THSD7A: variants seen among roughly 807,000 people sequenced by gnomAD.
THSD7A encodes thrombospondin type 1 domain containing 7A.
In THSD7A, 96 loss-of-function variants were observed where a neutral mutation model predicts 231.3. The observed-to-expected ratio is 0.41, with a 90% CI of 0.35 to 0.49. The LOEUF is 0.49. Among genes scored for constraint, THSD7A ranks in the 20% least tolerant of loss-of-function variants. The probability of loss-of-function intolerance (pLI) is 0.05; values close to 1 mark genes in which losing one functional copy is unlikely to be tolerated. For missense variants in THSD7A, 2,290 were observed against 2,070.2 expected (o/e 1.11, Z -2.06); for synonymous variants, 940 against 743.3 (o/e 1.26, Z -4.30).
At chr7:11,574,320 A>T (rs940695207) in intron 4 of THSD7A, among the ~76,000 whole-genome samples, 2 of 152,110 alleles carry the variant, frequency 1.3e-5, no homozygotes, top group Non-Finnish European at 2.9e-5. Context: ...TGTGCTGTTC[A>T]TTTCTCTATT....
intron 4 of THSD7A, among the ~76,000 whole-genome samples, chr7:11,584,473 T>C (rs886284622): frequency 6.6e-6 from 1 of 152,166 alleles, no homozygotes; most frequent in Admixed American, 6.6e-5. Context: ...TGTGTGAATC[T>C]TGACTAGGTG....
intron 1 of THSD7A, among the ~76,000 whole-genome samples, chr7:11,670,344 C>G (rs1783332540): frequency 6.6e-6 from 1 of 152,108 alleles, no homozygotes; most frequent in East Asian, 1.9e-4. Flanking sequence ...CAGGCAAAGG[C>G]CAAAGGTTTA....
In THSD7A at chr7:11,610,574, A is replaced by T. The variant is rs142673954; in HGVS notation, c.1023-17072T>A. On this transcript the variant is annotated intron_variant, in intron 2 of 27. Coordinates refer to ENST00000423059, the MANE Select transcript of THSD7A (RefSeq NM_015204.3). The stretch of plus-strand genomic sequence containing the variant: ...ATGCTTGAAATATGTAGAATGTAGG[A>T]TGAACACAATTTGCCCAGTTCTTTC... Among the ~76,000 whole-genome samples, 15 of 152,262 alleles carry T rather than the reference A, an allele frequency of 9.9e-5. No individual in the cohort carries two copies. The East Asian group carries it at 2.7e-3, about 27-fold the overall frequency.
intron 23 of THSD7A, among the ~76,000 whole-genome samples, chr7:11,399,976 C>A (rs1298974195): frequency 1.3e-5 from 2 of 152,046 alleles, no homozygotes; most frequent in Admixed American, 6.5e-5. Context: ...GAATACTATG[C>A]AGCCATAAAA....
intron 6 of THSD7A, among the ~76,000 whole-genome samples, chr7:11,492,993 G>T (rs1583843978): frequency 6.6e-6 from 1 of 152,082 alleles, no homozygotes; most frequent in African/African-American, 2.4e-5. Context: ...TTGGTCAGAA[G>T]TGGTTCTCTT....
At chr7:11,518,069 C>T (rs924447729) in intron 6 of THSD7A, among the ~76,000 whole-genome samples, 3 of 152,132 alleles carry the variant, frequency 2.0e-5, no homozygotes, top group African/African-American at 7.2e-5. Context: ...TGACCCTGCC[C>T]ACCTTATTTA....
chr7:11,522,961 G>GA (rs1371038248), intron 6 of THSD7A, among the ~76,000 whole-genome samples: 1 of 152,062 alleles, frequency 6.6e-6, no homozygotes, highest in African/African-American at 2.4e-5. Context: ...TGTAGAATTT[G>GA]AATCCAAAGG....
At chr7:11,460,610 G>A (rs1562627065) in intron 11 of THSD7A, 52 bp downstream of exon 11, 3 of 1,445,938 alleles carry the variant, frequency 2.1e-6, no homozygotes, top group East Asian at 4.9e-5. Context: ...CATCAAAACA[G>A]TAGTTAAACT....
At chr7:11,791,681 G>T (rs373630227) in intron 1 of THSD7A, among the ~76,000 whole-genome samples, 10 of 151,966 alleles carry the variant, frequency 6.6e-5, no homozygotes, top group African/African-American at 2.4e-4. Flanking sequence ...ATCTAGTGTA[G>T]TTCTTTAAAT....
At chr7:11,773,770 T>C (rs900928419) in intron 1 of THSD7A, among the ~76,000 whole-genome samples, 9 of 152,074 alleles carry the variant, frequency 5.9e-5, no homozygotes, top group African/African-American at 1.4e-4. Flanking sequence ...CAAATCAGGG[T>C]AATTGGGAAT....
intron 13 of THSD7A, among the ~76,000 whole-genome samples, chr7:11,442,541 T>C (rs912666574): frequency 6.6e-6 from 1 of 151,968 alleles, no homozygotes; most frequent in Non-Finnish European, 1.5e-5. Context: ...TTAATAACCA[T>C]CCATCTAGAA....
rs115602999 is a variant in THSD7A, at chr7:11,533,124, T to C, written c.1822+8295A>G. Among the ~76,000 whole-genome samples, 1,357 of 152,300 alleles carry C rather than the reference T, an allele frequency of 8.9e-3. 17 individuals are homozygous for C. Among genetic ancestry groups the C allele is most frequent in the African/African-American group, 0.031 (1,269 of 41,580 alleles). On this transcript the variant is annotated intron_variant, in intron 6 of 27. Transcript: ENST00000423059. ...ATAAAGTGATATCCAATGAGATATA[T>C]AGAAAACTCAAAACGTTTTAAGGGT...
intron 22 of THSD7A, 143 bp from the exon 23 acceptor site, chr7:11,402,111 T>C (rs1036786759): frequency 1.2e-5 from 8 of 663,512 alleles, no homozygotes; most frequent in East Asian, 1.1e-4. Flanking sequence ...AAGCATTTAA[T>C]ATTTGTAAAT....
chr7:11,690,812 G>C (rs1780209165), intron 1 of THSD7A, among the ~76,000 whole-genome samples: 1 of 151,708 alleles, frequency 6.6e-6, no homozygotes, highest in Non-Finnish European at 1.5e-5. Flanking sequence ...TTGTGTTCAA[G>C]TGGTAGGATA....
At chr7:11,754,983 TATA>T (rs1299950454) in intron 1 of THSD7A, among the ~76,000 whole-genome samples, 3 of 152,114 alleles carry the variant, frequency 2.0e-5, no homozygotes, top group African/African-American at 7.2e-5. Context: ...GGCGTAAGAA[TATA>T]ATAATAGAAC....
At chr7:11,749,060 TCAAA>T (rs1782413202) in intron 1 of THSD7A, among the ~76,000 whole-genome samples, 2 of 151,918 alleles carry the variant, frequency 1.3e-5, no homozygotes, top group South Asian at 2.1e-4. Flanking sequence ...AAACTACAAT[TCAAA>T]CAAACAAGAG....
At chr7:11,756,618 A>C (rs1782685648) in intron 1 of THSD7A, among the ~76,000 whole-genome samples, 1 of 152,128 alleles carries the variant, frequency 6.6e-6, no homozygotes, top group South Asian at 2.1e-4. Flanking sequence ...TTCATTTAGT[A>C]AACCTGATCA....
chr7:11,720,184 G>A (rs1781300230), intron 1 of THSD7A, among the ~76,000 whole-genome samples: 1 of 151,688 alleles, frequency 6.6e-6, no homozygotes, highest in African/African-American at 2.4e-5. Context: ...TTCTTACTCA[G>A]CTCACACAGC....
At chr7:11,716,816 G>T (rs1769962238) in intron 1 of THSD7A, among the ~76,000 whole-genome samples, 1 of 151,270 alleles carries the variant, frequency 6.6e-6, no homozygotes, top group African/African-American at 2.4e-5. Flanking sequence ...TTATTACATT[G>T]CTTTTATACT....
Sources: gnomAD v4.1 joint callset for allele counts (sites outside exome capture counted in the v4.1 genomes callset) on GRCh38, gnomAD v4.1.1 for gene constraint, MANE v1.5 for transcripts, NCBI Gene and HGNC (gene_info 2026-07-23, HGNC 2026-07-21) for gene names.